Variants in PPARG observed in about 807,000 individuals in gnomAD.
PPARG encodes the protein peroxisome proliferator-activated receptor gamma.
PPARG carries 17 observed loss-of-function variants against 39.2 expected under a neutral mutation model. That is an observed-to-expected ratio of 0.43 (90% CI 0.30 to 0.65). The LOEUF (loss-of-function observed/expected upper bound fraction) is 0.65. PPARG is among the 30% of genes least tolerant of loss of function. The pLI is 0.13. For missense variants in PPARG, 406 were observed against 585.9 expected, an observed-to-expected ratio of 0.69 and a Z score of 3.17; for synonymous variants, 223 against 215.7, an observed-to-expected ratio of 1.03 and a Z score of -0.30.
chr3:12,338,412 ATC>A (rs200099074), intron 2 of PPARG, among the ~76,000 whole-genome samples: 4 of 152,228 alleles, frequency 2.6e-5, no homozygotes, highest in South Asian at 4.1e-4. Flanking sequence ...CTATATAGAT[ATC>A]TCTCTCTTAA....
At chr3:12,428,606 C>T (rs1469594293) in intron 7 of PPARG, among the ~76,000 whole-genome samples, 1 of 152,202 alleles carries the variant, frequency 6.6e-6, no homozygotes, top group East Asian at 1.9e-4. Context: ...GGATGGATTT[C>T]TGTGGCACAA....
intron 7 of PPARG, among the ~76,000 whole-genome samples, chr3:12,428,652 T>A (rs1160189591): frequency 2.0e-5 from 3 of 152,148 alleles, no homozygotes; most frequent in Non-Finnish European, 4.4e-5. Context: ...AAGGACTGAG[T>A]GTGCGTGGAG....
chr3:12,413,825 A>G (rs1429594989), intron 6 of PPARG, among the ~76,000 whole-genome samples: 1 of 151,800 alleles, frequency 6.6e-6, no homozygotes, highest in Non-Finnish European at 1.5e-5. Context: ...TCAAAAAAAA[A>G]AAAAAAAAAA....
chr3:12,291,468 T>G (rs1347493656), intron 1 of PPARG, among the ~76,000 whole-genome samples: 1 of 152,188 alleles, frequency 6.6e-6, no homozygotes, highest in Non-Finnish European at 1.5e-5. Context: ...TTCTTGGAAG[T>G]TCTTACTTAC....
chr3:12,296,983 C>T (rs2046804406), intron 1 of PPARG, among the ~76,000 whole-genome samples: 1 of 151,994 alleles, frequency 6.6e-6, no homozygotes, highest in African/African-American at 2.4e-5. Flanking sequence ...TCATATATAT[C>T]TGATGTCACT....
At chr3:12,388,618 A>G (rs1038392061) in intron 4 of PPARG, among the ~76,000 whole-genome samples, 4 of 152,322 alleles carry the variant, frequency 2.6e-5, no homozygotes, top group East Asian at 3.9e-4. Flanking sequence ...ACTAGTTCCA[A>G]ATAATATCAG....
chr3:12,334,205 C>T (rs1487602901), intron 2 of PPARG, among the ~76,000 whole-genome samples: 2 of 151,384 alleles, frequency 1.3e-5, no homozygotes, highest in Non-Finnish European at 2.9e-5. Context: ...GTTGACTTGG[C>T]TTAAATTTTA....
chr3:12,358,489 ATTC>A (rs1358506693), intron 2 of PPARG, among the ~76,000 whole-genome samples: 1 of 152,164 alleles, frequency 6.6e-6, no homozygotes, highest in Non-Finnish European at 1.5e-5. Flanking sequence ...TATTCTCATT[ATTC>A]TTATTATTTT....
intron 1 of PPARG, among the ~76,000 whole-genome samples, chr3:12,299,073 A>G (rs2046863592): frequency 6.6e-6 from 1 of 152,118 alleles, no homozygotes; most frequent in African/African-American, 2.4e-5. Flanking sequence ...AGGCCCAAGC[A>G]GTCCTCTGGC....
chr3:12,337,965 G>A (rs1237841621), intron 2 of PPARG, among the ~76,000 whole-genome samples: 1 of 152,062 alleles, frequency 6.6e-6, no homozygotes, highest in Non-Finnish European at 1.5e-5. Context: ...TTGGATTTTT[G>A]TATCCACAAC....
rs549202526 is a variant in PPARG, at chr3:12,393,050, T to C, written c.529+298T>C. Among the ~76,000 whole-genome samples the C allele has an allele frequency of 1.1e-4, 17 of 152,350 alleles. No individual in the cohort carries two copies. In the East Asian group the frequency reaches 3.3e-3, roughly 29 times the overall value. ...TATAATGATCATCATGATTAATTTT[T>C]ATATTGCCTCATGCATTAAAAACAG... is the stretch of plus-strand genomic sequence containing the variant. On this transcript the variant is annotated intron_variant, in intron 5 of 7. Transcript: ENST00000651735.
chr3:12,379,683 C>A, intron 2 of PPARG, 21 bp from the exon 3 acceptor site: 1 of 1,594,834 alleles, frequency 6.3e-7, no homozygotes, highest in Non-Finnish European at 8.6e-7. Context: ...AACTTCACAG[C>A]TAGTCTATTT....
chr3:12,428,739 C>T (rs996444830), intron 7 of PPARG, among the ~76,000 whole-genome samples: 2 of 152,266 alleles, frequency 1.3e-5, no homozygotes, highest in Non-Finnish European at 2.9e-5. Flanking sequence ...CTGGCAGATC[C>T]ATTTTGCCCT....
chr3:12,419,546 G>A (rs1042235039), intron 7 of PPARG, among the ~76,000 whole-genome samples: 7 of 151,512 alleles, frequency 4.6e-5, no homozygotes, highest in Non-Finnish European at 1.0e-4. Flanking sequence ...CACTACAACC[G>A]GGTTTTCCGC....
intron 1 of PPARG, among the ~76,000 whole-genome samples, chr3:12,306,416 A>G (rs2047064349): frequency 6.6e-6 from 1 of 152,192 alleles, no homozygotes; most frequent in African/African-American, 2.4e-5. Context: ...ATACAGTATT[A>G]AAGTCAGATG....
chr3:12,379,564 G>GT, intron 2 of PPARG, 140 bp from the exon 3 acceptor site: 2 of 748,882 alleles, frequency 2.7e-6, no homozygotes, highest in Middle Eastern at 3.1e-4. Context: ...TAAGAAGGTG[G>GT]TTATGTTCTT....
At chr3:12,305,382 A>AT (rs763831418) in intron 1 of PPARG, among the ~76,000 whole-genome samples, 24 of 152,328 alleles carry the variant, frequency 1.6e-4, no homozygotes, top group Admixed American at 5.2e-4. Context: ...ATTTTGATTG[A>AT]TTTTTTTAAA....
intron 2 of PPARG, among the ~76,000 whole-genome samples, chr3:12,316,694 T>C (rs1378423253): frequency 6.6e-6 from 1 of 152,060 alleles, no homozygotes; most frequent in African/African-American, 2.4e-5. Flanking sequence ...GAATCTCTGC[T>C]TAGAGGACCA....
chr3:12,377,993 A>G (rs756556218), intron 2 of PPARG, among the ~76,000 whole-genome samples: 1 of 152,204 alleles, frequency 6.6e-6, no homozygotes, highest in Non-Finnish European at 1.5e-5. Flanking sequence ...AAGACATACA[A>G]GTGGCCAACA....
Sources: allele counts gnomAD v4.1 joint callset (sites outside exome capture counted in the v4.1 genomes callset), GRCh38; gene constraint gnomAD v4.1.1; transcripts MANE v1.5; gene names NCBI Gene and HGNC (gene_info 2026-07-23, HGNC 2026-07-21).